TTC7A: variants seen among roughly 807,000 people sequenced by gnomAD.
The protein encoded by TTC7A is tetratricopeptide repeat protein 7A.
In TTC7A, 110 loss-of-function variants were observed where a neutral mutation model predicts 103.7. The ratio of observed to expected loss-of-function variants is 1.06; its 90% CI spans 0.91 to 1.24. TTC7A has a LOEUF of 1.24. Ranked by LOEUF, TTC7A falls within the 50% of genes most tolerant of loss-of-function variation. TTC7A has a pLI of 0.00. For missense variants in TTC7A, 1,340 were observed against 1,116.3 expected, an observed-to-expected ratio of 1.20 and a Z score of -2.86; for synonymous variants, 521 against 467.9, an observed-to-expected ratio of 1.11 and a Z score of -1.47.
chr2:47,029,502 C>T, intron 15 of TTC7A, 118 bp downstream of exon 15: 1 of 1,131,416 alleles, frequency 8.8e-7, no homozygotes, highest in Non-Finnish European at 1.3e-6. Context: ...GCACCCGCTG[C>T]ATGCACAATC....
intron 2 of TTC7A, among the ~76,000 whole-genome samples, chr2:46,929,246 AG>A (rs1669567333): frequency 6.6e-6 from 1 of 152,102 alleles, no homozygotes. Context: ...CACTTTGGGA[AG>A]CTAAGGTAGG....
chr2:47,051,213 A>T (rs1466209131), intron 17 of TTC7A, among the ~76,000 whole-genome samples: 2 of 152,238 alleles, frequency 1.3e-5, no homozygotes, highest in African/African-American at 2.4e-5. Flanking sequence ...TAATTTCACC[A>T]CTTAGACCTT....
chr2:47,051,184 A>G (rs1362377488), intron 17 of TTC7A, among the ~76,000 whole-genome samples: 1 of 152,236 alleles, frequency 6.6e-6, no homozygotes, highest in Non-Finnish European at 1.5e-5. Context: ...AGCCAAGGGA[A>G]GAAAAGAAAA....
At chr2:47,068,505 T>TA (rs971512295) in intron 19 of TTC7A, 2 of 152,018 alleles carry the variant, frequency 1.3e-5, no homozygotes, top group Non-Finnish European at 2.9e-5. Context: ...GAGATGATTT[T>TA]ATTGTGAGCT....
chr2:47,029,251 G>A lies in TTC7A; in HGVS notation c.1669G>A (p.Glu557Lys), dbSNP rs1558599802. The A allele has an allele frequency of 1.9e-6, 3 of 1,613,838 alleles. No individual in the cohort carries two copies. The highest frequency in any genetic ancestry group is 8.5e-7 in the Non-Finnish European group (1 of 1,180,034). The change falls in exon 15 of 20, where the codon GAG becomes AAG. Residue 557 changes from glutamate to lysine, a missense_variant. Coordinates refer to ENST00000319190, the MANE Select transcript of TTC7A (RefSeq NM_020458.4). ...QISSAMEQLQ[E>K]ALKVRKDDAH... ...CTCCAGTGCCATGGAGCAGCTGCAGGAGGCCCTGAAGGTACGCAAGGATGA... is the reference window on the plus strand; with the variant it reads ...CTCCAGTGCCATGGAGCAGCTGCAGAAGGCCCTGAAGGTACGCAAGGATGA...
intron 5 of TTC7A, among the ~76,000 whole-genome samples, chr2:46,990,753 A>G (rs1675538323): frequency 6.6e-6 from 1 of 152,164 alleles, no homozygotes; most frequent in Non-Finnish European, 1.5e-5. Flanking sequence ...AGCTGGGGTT[A>G]CTGTGTCAGA....
intron 15 of TTC7A, among the ~76,000 whole-genome samples, chr2:47,036,611 C>T (rs1681130356): frequency 6.6e-6 from 1 of 152,174 alleles, no homozygotes; most frequent in African/African-American, 2.4e-5. Context: ...GGCACAGTGG[C>T]TTTGGGAGGC....
At chr2:46,966,402 C>T (rs1219949754) in intron 3 of TTC7A, among the ~76,000 whole-genome samples, 1 of 152,178 alleles carries the variant, frequency 6.6e-6, no homozygotes, top group Non-Finnish European at 1.5e-5. Flanking sequence ...TCTTTTTTCC[C>T]TATAGGATTA....
chr2:47,056,344 C>G (rs193240538), intron 18 of TTC7A, among the ~76,000 whole-genome samples: 8 of 152,350 alleles, frequency 5.3e-5, no homozygotes, highest in Admixed American at 3.3e-4. Context: ...GGGGGACTAA[C>G]CTATTTCTCT....
intron 14 of TTC7A, among the ~76,000 whole-genome samples, chr2:47,024,624 G>T (rs1387922339): frequency 6.6e-6 from 1 of 152,146 alleles, no homozygotes; most frequent in African/African-American, 2.4e-5. Context: ...GGACTGAGAT[G>T]TTGATGAGTG....
chr2:47,003,000 T>C (rs1676995287), intron 8 of TTC7A, among the ~76,000 whole-genome samples: 1 of 152,190 alleles, frequency 6.6e-6, no homozygotes, highest in African/African-American at 2.4e-5. Context: ...CTGCTGCCGC[T>C]GCTGCTAGTA....
At chr2:46,950,562 C>T (rs1671319087) in intron 2 of TTC7A, 36 bp downstream of exon 2, 2 of 1,608,608 alleles carry the variant, frequency 1.2e-6, no homozygotes, top group East Asian at 2.2e-5. Context: ...GACCTCCTCT[C>T]CTCGTCTGTC....
At chr2:47,066,682 G>A (rs185243899) in intron 19 of TTC7A, among the ~76,000 whole-genome samples, 27 of 152,264 alleles carry the variant, frequency 1.8e-4, no homozygotes, top group Non-Finnish European at 3.2e-4. Flanking sequence ...TTGTGTTGCT[G>A]TAACAGAATA....
intron 5 of TTC7A, among the ~76,000 whole-genome samples, chr2:46,986,660 C>A (rs1675043508): frequency 6.6e-6 from 1 of 152,144 alleles, no homozygotes; most frequent in Admixed American, 6.5e-5. Flanking sequence ...GATGGTGGAG[C>A]CTGCTTCCTG....
rs1675962842 is a variant in TTC7A, at chr2:46,994,523, T to C, written c.1001+9T>C. The C allele has an allele frequency of 6.2e-6, 10 of 1,613,362 alleles. No individual in the cohort carries two copies. In the Middle Eastern group the frequency reaches 8.2e-4, roughly 133 times the overall value. ...CTCTATGAAGGAGACAAGTAAGTTCTGCCTGCCCTGCTGCACCTTGCCAGT... is the reference window on the plus strand; with the variant it reads ...CTCTATGAAGGAGACAAGTAAGTTCCGCCTGCCCTGCTGCACCTTGCCAGT... On this transcript the variant is annotated intron_variant, in intron 7 of 19. Transcript: ENST00000319190.
chr2:47,022,103 C>T (rs566131080), intron 12 of TTC7A, 124 bp downstream of exon 12: 14 of 640,286 alleles, frequency 2.2e-5, no homozygotes, highest in South Asian at 3.8e-5. Context: ...ACCATGCACT[C>T]CTCTGGGAGA....
At chr2:46,969,391 C>T (rs1041474424) in intron 3 of TTC7A, among the ~76,000 whole-genome samples, 2 of 152,090 alleles carry the variant, frequency 1.3e-5, no homozygotes, top group Non-Finnish European at 2.9e-5. Flanking sequence ...TCTGTAGTCC[C>T]AGCTACTCGG....
intron 15 of TTC7A, among the ~76,000 whole-genome samples, chr2:47,030,229 G>C (rs1056180872): frequency 6.6e-6 from 1 of 152,220 alleles, no homozygotes; most frequent in Admixed American, 6.5e-5. Context: ...GAAGAAGCTA[G>C]AGTCCTGGCT....
At chr2:46,999,454 C>T (rs938851796) in intron 8 of TTC7A, 8 of 984,198 alleles carry the variant, frequency 8.1e-6, no homozygotes, top group Admixed American at 1.2e-4. Context: ...TCTGTCTATC[C>T]ACCCACCATG....
Sources: gnomAD v4.1 joint callset for allele counts (sites outside exome capture counted in the v4.1 genomes callset) on GRCh38, gnomAD v4.1.1 for gene constraint, MANE v1.5 for transcripts, NCBI Gene and HGNC (gene_info 2026-07-23, HGNC 2026-07-21) for gene names.